PARD3: variants seen among roughly 807,000 people sequenced by gnomAD.
PARD3 encodes the protein partitioning defective 3 homolog.
Under a neutral mutation model 155.4 loss-of-function variants are expected in PARD3, and 75 were observed. The ratio of observed to expected loss-of-function variants is 0.48; its 90% CI spans 0.40 to 0.58. The LOEUF is 0.58. Ranked by LOEUF, PARD3 falls within the 20% of genes least tolerant of loss-of-function variation. The probability of loss-of-function intolerance (pLI) is 0.00; values close to 1 mark genes in which losing one functional copy is unlikely to be tolerated. For synonymous variants in PARD3, 576 were observed against 610.5 expected, an observed-to-expected ratio of 0.94 and a Z score of 0.83; for missense variants, 1,642 against 1,721.7, an observed-to-expected ratio of 0.95 and a Z score of 0.82.
chr10:34,422,559 C>T (rs1053323043), intron 5 of PARD3, among the ~76,000 whole-genome samples: 2 of 144,218 alleles, frequency 1.4e-5, no homozygotes, highest in Non-Finnish European at 3.1e-5. Flanking sequence ...AAAATAAATA[C>T]AAAAAAAAAA....
intron 3 of PARD3, among the ~76,000 whole-genome samples, chr10:34,480,531 G>A (rs569269611): frequency 2.6e-5 from 4 of 152,104 alleles, no homozygotes; most frequent in East Asian, 1.9e-4. Context: ...GAACCACCTC[G>A]CCCAACCTGT....
At chr10:34,207,261 T>C (rs986335978) in intron 22 of PARD3, among the ~76,000 whole-genome samples, 1 of 152,192 alleles carries the variant, frequency 6.6e-6, no homozygotes, top group Admixed American at 6.5e-5. Flanking sequence ...GTTGGTTGTT[T>C]TGTCACTCTT....
intron 20 of PARD3, among the ~76,000 whole-genome samples, chr10:34,300,154 T>C (rs1312933857): frequency 6.6e-6 from 1 of 152,184 alleles, no homozygotes; most frequent in Non-Finnish European, 1.5e-5. Context: ...AGATGGACAC[T>C]GTTGCCCTGA....
rs143196227 is a variant in PARD3, at chr10:34,365,148, A to G, written c.1708-4889T>C. Among the ~76,000 whole-genome samples the G allele has an allele frequency of 3.8e-3, 573 of 152,348 alleles. 2 individuals carry two copies. Among genetic ancestry groups the G allele is most frequent in the African/African-American group, 0.013 (546 of 41,586 alleles). Reference sequence around the variant, plus strand: ...AGTTTGCCATTTTCTTAAGCTAGAAATATTACTTTTAGTGATATGGCCTAC... The same window carrying G: ...AGTTTGCCATTTTCTTAAGCTAGAAGTATTACTTTTAGTGATATGGCCTAC... On this transcript the variant is annotated intron_variant, in intron 12 of 24. Coordinates refer to ENST00000374788, the MANE Select transcript of PARD3 (RefSeq NM_001184785.2).
intron 1 of PARD3, among the ~76,000 whole-genome samples, chr10:34,756,150 C>CTG: frequency 1.1e-5 from 1 of 94,560 alleles, no homozygotes; most frequent in Non-Finnish European, 1.9e-5. Flanking sequence ...AAAAATGCAC[C>CTG]TTTTTTTTTT....
intron 4 of PARD3, among the ~76,000 whole-genome samples, chr10:34,462,804 C>G (rs1190507367): frequency 2.0e-5 from 3 of 151,060 alleles, no homozygotes; most frequent in South Asian, 4.2e-4. Flanking sequence ...TGAACTCCAG[C>G]CTGGGCAATA....
At chr10:34,705,490 GA>G (rs10635063) in intron 1 of PARD3, among the ~76,000 whole-genome samples, 88 of 140,238 alleles carry the variant, frequency 6.3e-4, no homozygotes, top group Non-Finnish European at 7.3e-4. Flanking sequence ...CCTGTCTCAG[GA>G]AAAAAAAAAA....
chr10:34,710,905 G>C (rs2094440651), intron 1 of PARD3, among the ~76,000 whole-genome samples: 1 of 152,164 alleles, frequency 6.6e-6, no homozygotes, highest in Non-Finnish European at 1.5e-5. Flanking sequence ...GCCGGACACA[G>C]TAACTGGCAC....
intron 5 of PARD3, among the ~76,000 whole-genome samples, chr10:34,415,791 T>C (rs936519246): frequency 6.6e-6 from 1 of 152,168 alleles, no homozygotes; most frequent in African/African-American, 2.4e-5. Context: ...GTCCTGAACA[T>C]AGAATTGCTA....
At chr10:34,607,161 G>A (rs1031572451) in intron 2 of PARD3, among the ~76,000 whole-genome samples, 4 of 152,002 alleles carry the variant, frequency 2.6e-5, no homozygotes, top group African/African-American at 7.2e-5. Flanking sequence ...TACAGATTTC[G>A]AAACTGACAG....
intron 21 of PARD3, among the ~76,000 whole-genome samples, chr10:34,273,240 G>A (rs1204468603): frequency 1.3e-5 from 2 of 152,014 alleles, no homozygotes; most frequent in Non-Finnish European, 1.5e-5. Context: ...CTCACAATAG[G>A]TGAATAGTTA....
chr10:34,772,440 T>A (rs920275554), intron 1 of PARD3, among the ~76,000 whole-genome samples: 1 of 152,028 alleles, frequency 6.6e-6, no homozygotes, highest in Non-Finnish European at 1.5e-5. Context: ...ACTGACAATA[T>A]CAAATGTAAG....
At chr10:34,129,618 C>A (rs1224985212) in intron 23 of PARD3, among the ~76,000 whole-genome samples, 2 of 151,560 alleles carry the variant, frequency 1.3e-5, no homozygotes, top group Non-Finnish European at 2.9e-5. Context: ...TCTCCCCTTC[C>A]CTTCAACATA....
intron 2 of PARD3, among the ~76,000 whole-genome samples, chr10:34,653,189 G>C (rs1174771277): frequency 6.6e-6 from 1 of 151,992 alleles, no homozygotes; most frequent in Non-Finnish European, 1.5e-5. Context: ...TTCTTTAGGG[G>C]GGAAGCAAAT....
chr10:34,767,898 T>TACC (rs989865196), intron 1 of PARD3, among the ~76,000 whole-genome samples: 1 of 151,904 alleles, frequency 6.6e-6, no homozygotes, highest in African/African-American at 2.4e-5. Flanking sequence ...CACCCCAGCC[T>TACC]GGGTAACAGT....
chr10:34,581,072 G>A (rs1030448899), intron 2 of PARD3, among the ~76,000 whole-genome samples: 2 of 152,018 alleles, frequency 1.3e-5, no homozygotes, highest in East Asian at 1.9e-4. Flanking sequence ...TGAACTCATC[G>A]TAAGTAGCCA....
intron 1 of PARD3, among the ~76,000 whole-genome samples, chr10:34,711,808 G>C (rs1284370707): frequency 6.6e-6 from 1 of 152,082 alleles, no homozygotes; most frequent in African/African-American, 2.4e-5. Context: ...GAAATGCGTG[G>C]ACATGCCAGG....
chr10:34,652,555 T>A (rs1462562963), intron 2 of PARD3, among the ~76,000 whole-genome samples: 1 of 152,164 alleles, frequency 6.6e-6, no homozygotes, highest in East Asian at 1.9e-4. Flanking sequence ...AGACAGTCAA[T>A]ATTCTTCAAG....
chr10:34,793,956 TTAAG>T (rs1285710606), intron 1 of PARD3, among the ~76,000 whole-genome samples: 1 of 152,146 alleles, frequency 6.6e-6, no homozygotes, highest in Admixed American at 6.6e-5. Context: ...TGGAATGTAT[TTAAG>T]TAATACCACA....
Sources: allele counts gnomAD v4.1 joint callset (sites outside exome capture counted in the v4.1 genomes callset), GRCh38; gene constraint gnomAD v4.1.1; transcripts MANE v1.5; gene names NCBI Gene and HGNC (gene_info 2026-07-23, HGNC 2026-07-21).